PTPRG: variants seen among roughly 807,000 people sequenced by gnomAD.
The protein encoded by PTPRG is protein tyrosine phosphatase receptor type G.
PTPRG carries 102 observed loss-of-function variants against 165.3 expected under a neutral mutation model. That is an observed-to-expected ratio of 0.62 (90% confidence interval 0.53 to 0.73). PTPRG has a LOEUF of 0.73. Among genes scored for constraint, PTPRG ranks in the 30% least tolerant of loss-of-function variants. PTPRG has a pLI of 0.00. For missense variants in PTPRG, 1,866 were observed against 1,861.4 expected (o/e 1.00, Z -0.05); for synonymous variants, 675 against 669.5 (o/e 1.01, Z -0.13).
At chr3:61,728,986 T>C (rs905014446) in intron 1 of PTPRG, among the ~76,000 whole-genome samples, 10 of 151,624 alleles carry the variant, frequency 6.6e-5, no homozygotes, top group African/African-American at 2.4e-4. Context: ...CGCTTGAGTT[T>C]GGGAGGTTGA....
intron 1 of PTPRG, among the ~76,000 whole-genome samples, chr3:61,748,188 G>A (rs576907281): frequency 4.6e-5 from 7 of 152,214 alleles, no homozygotes; most frequent in Non-Finnish European, 7.3e-5. Context: ...ACAGGTGACT[G>A]TTAGTGGCCC....
rs1488692512 is a variant in PTPRG, at chr3:61,562,141, A to G, written c.-147A>G. On this transcript the variant is annotated 5_prime_UTR_variant, in exon 1 of 30. Transcript: ENST00000474889. ...GCGCTCGGCGGCTTCCCGGATTCCA[A>G]GGGGACTCGGGCCGCCGAGCGCGGG... 4.7e-6 allele frequency: 3 copies of G among 640,670 alleles called. No homozygotes were observed. The highest frequency in any genetic ancestry group is 8.2e-6 in the Non-Finnish European group (3 of 368,014). The allele number at this position is 640,670 out of a possible 1,614,324, so 39.7% of individuals were successfully genotyped here.
intron 7 of PTPRG, among the ~76,000 whole-genome samples, chr3:62,163,663 C>G (rs1029161723): frequency 6.6e-6 from 1 of 152,164 alleles, no homozygotes; most frequent in Non-Finnish European, 1.5e-5. Flanking sequence ...TTGTAGTTAC[C>G]ACATTCCTCA....
intron 2 of PTPRG, among the ~76,000 whole-genome samples, chr3:61,780,933 A>G (rs927209525): frequency 6.6e-6 from 1 of 152,264 alleles, no homozygotes; most frequent in Non-Finnish European, 1.5e-5. Context: ...TAACAAAAAC[A>G]TGATTAGCTT....
chr3:61,703,454 A>G (rs2031084618), intron 1 of PTPRG, among the ~76,000 whole-genome samples: 1 of 152,196 alleles, frequency 6.6e-6, no homozygotes, highest in Admixed American at 6.5e-5. Flanking sequence ...ATTTCGTAGT[A>G]TGGGCATTAA....
intron 6 of PTPRG, among the ~76,000 whole-genome samples, chr3:62,150,585 C>T (rs999005521): frequency 6.6e-6 from 1 of 152,170 alleles, no homozygotes; most frequent in African/African-American, 2.4e-5. Context: ...TCCACTCCTT[C>T]CTTCCCTCCT....
At chr3:61,587,025 G>A (rs1700450668) in intron 1 of PTPRG, among the ~76,000 whole-genome samples, 1 of 151,936 alleles carries the variant, frequency 6.6e-6, no homozygotes, top group South Asian at 2.2e-4. Flanking sequence ...TACGGGGGAT[G>A]GGGGTAGTGT....
chr3:61,839,276 A>G (rs1479350860), intron 2 of PTPRG, among the ~76,000 whole-genome samples: 2 of 152,204 alleles, frequency 1.3e-5, no homozygotes, highest in African/African-American at 2.4e-5. Flanking sequence ...AAAAATATTT[A>G]CTGTTCGGTA....
At position 61,707,220 on chromosome 3, in the gene PTPRG, T is replaced by G. The variant is rs895889279; in HGVS notation, c.86-41658T>G. 2.6e-5 allele frequency among the ~76,000 whole-genome samples: 4 copies of G among 152,252 alleles called. No homozygotes were observed. The East Asian group carries it at 7.7e-4, about 29-fold the overall frequency. Reference sequence around the variant, plus strand: ...TATGCATCCTCATGCATATATGCGTTTTTACCTATGATTAAATGCACAGAA... The same window carrying G: ...TATGCATCCTCATGCATATATGCGTGTTTACCTATGATTAAATGCACAGAA... On this transcript the variant is annotated intron_variant, in intron 1 of 29. Transcript: ENST00000474889.
At chr3:61,986,413 C>T (rs2107687427) in intron 2 of PTPRG, among the ~76,000 whole-genome samples, 1 of 152,256 alleles carries the variant, frequency 6.6e-6, no homozygotes, top group East Asian at 1.9e-4. Context: ...CCCTGTGTAT[C>T]TCTCACGAAG....
At chr3:61,906,826 G>A (rs774296557) in intron 2 of PTPRG, among the ~76,000 whole-genome samples, 1 of 150,432 alleles carries the variant, frequency 6.6e-6, no homozygotes, top group Non-Finnish European at 1.5e-5. Context: ...TAGGTAGGTA[G>A]GTAGAATTGT....
intron 2 of PTPRG, among the ~76,000 whole-genome samples, chr3:61,936,322 A>G (rs2039483965): frequency 6.6e-6 from 1 of 152,206 alleles, no homozygotes. Context: ...GAGGTGAGTA[A>G]CTTGCCCATG....
At chr3:61,734,025 G>A (rs532206936) in intron 1 of PTPRG, among the ~76,000 whole-genome samples, 5 of 152,200 alleles carry the variant, frequency 3.3e-5, no homozygotes, top group South Asian at 2.1e-4. Flanking sequence ...CAAGTGATCC[G>A]CCTGCCTCGG....
At chr3:61,759,858 C>A (rs948121161) in intron 2 of PTPRG, among the ~76,000 whole-genome samples, 1 of 151,610 alleles carries the variant, frequency 6.6e-6, no homozygotes, top group Non-Finnish European at 1.5e-5. Flanking sequence ...TTTAACATCT[C>A]TCTGTCACTT....
chr3:62,270,535 C>T (rs1702026554), intron 20 of PTPRG, among the ~76,000 whole-genome samples: 1 of 152,050 alleles, frequency 6.6e-6, no homozygotes, highest in Non-Finnish European at 1.5e-5. Flanking sequence ...GTTTTAGAAA[C>T]AGCTTAAGTC....
At chr3:62,038,653 T>TC (rs1700027048) in intron 4 of PTPRG, among the ~76,000 whole-genome samples, 1 of 152,172 alleles carries the variant, frequency 6.6e-6, no homozygotes, top group African/African-American at 2.4e-5. Flanking sequence ...GACTTGGCCT[T>TC]CCAAAGTGCT....
intron 1 of PTPRG, among the ~76,000 whole-genome samples, chr3:61,633,652 T>G (rs945119415): frequency 6.6e-6 from 1 of 152,248 alleles, no homozygotes; most frequent in African/African-American, 2.4e-5. Flanking sequence ...TTTTACTTAT[T>G]CTTTTCCAAT....
chr3:61,656,873 C>T (rs939994999), intron 1 of PTPRG, among the ~76,000 whole-genome samples: 19 of 152,156 alleles, frequency 1.2e-4, no homozygotes, highest in Admixed American at 1.2e-3. Context: ...CCCTTTGTTT[C>T]AGGCACCCAG....
At chr3:61,581,405 GT>G (rs1260043356) in intron 1 of PTPRG, among the ~76,000 whole-genome samples, 1 of 152,140 alleles carries the variant, frequency 6.6e-6, no homozygotes, top group African/African-American at 2.4e-5. Flanking sequence ...TAGTAGCAAG[GT>G]TTCATGGCAT....
Sources: allele counts gnomAD v4.1 joint callset (sites outside exome capture counted in the v4.1 genomes callset), GRCh38; gene constraint gnomAD v4.1.1; transcripts MANE v1.5; gene names NCBI Gene and HGNC (gene_info 2026-07-23, HGNC 2026-07-21).